The following AKT2 variants were observed in gnomAD, a reference collection of about 807,000 sequenced individuals.
AKT2 encodes the protein RAC-beta serine/threonine-protein kinase.
Under a neutral mutation model 58.6 loss-of-function variants are expected in AKT2, and 16 were observed. That is an observed-to-expected ratio of 0.27 (90% CI 0.18 to 0.41). The LOEUF is 0.41. AKT2 is among the 10% of genes least tolerant of loss of function. The pLI is 1.00. For synonymous variants in AKT2, 253 were observed against 254.0 expected (o/e 1.00, Z 0.04); for missense variants, 438 against 661.0 (o/e 0.66, Z 3.70).
intron 1 of AKT2, chr19:40,268,485 C>T (rs184152900): frequency 6.6e-6 from 1 of 152,438 alleles, no homozygotes; most frequent in East Asian, 1.9e-4. Flanking sequence ...GGTGCCGGCG[C>T]TCCCATGGAG....
chr19:40,258,280 A>G (rs1282751390), intron 2 of AKT2, among the ~76,000 whole-genome samples: 1 of 149,194 alleles, frequency 6.7e-6, no homozygotes, highest in East Asian at 2.0e-4. Flanking sequence ...AAAAAACCTG[A>G]GTATGGTGAT....
rs527925673 is a variant in AKT2 at position 40,234,028 on chromosome 19, C to T, written c.1367-77G>A. ...CACCTGCCCAGACTCCCTGGGGAAA[C>T]GGCCCCAGCTGGCGGGGGCTGCCCA... On this transcript the variant is annotated intron_variant, in intron 13 of 13. Coordinates refer to ENST00000392038, the MANE Select transcript of AKT2 (RefSeq NM_001626.6). This position sits in a 1 kb window ranked among gnomAD's most constrained non-coding sequence, Gnocchi z 4.7. 38 of 1,476,974 alleles carry T rather than the reference C, an allele frequency of 2.6e-5. No individual in the cohort carries two copies. The highest frequency in any genetic ancestry group is 1.6e-4 in the East Asian group (7 of 42,934). 91.5% of individuals were successfully genotyped at this position (1,476,974 alleles called of 1,614,324 possible).
chr19:40,238,178 G>A lies in AKT2; in HGVS notation c.709-87C>T. On this transcript the variant is annotated intron_variant, in intron 8 of 13. Transcript: ENST00000392038. The surrounding 1 kb of genome is among the most constrained non-coding windows in gnomAD (Gnocchi z 5.1). ...TCCCAGCCCCCTGCCCCAGCGCAGT[G>A]ATGTGGTGACACCTGTATCATGAAC... 2 of 1,513,382 alleles carry A rather than the reference G, an allele frequency of 1.3e-6. No individual in the cohort carries two copies. The highest frequency in any genetic ancestry group is 1.2e-5 in the South Asian group (1 of 82,880). 93.7% of individuals were successfully genotyped at this position (1,513,382 alleles called of 1,614,324 possible). A position where few individuals can be genotyped will look rare whatever the true frequency, so the allele number is the denominator to read the frequency against.
intron 1 of AKT2, among the ~76,000 whole-genome samples, chr19:40,272,360 A>C (rs2077230915): frequency 6.6e-6 from 1 of 152,208 alleles, no homozygotes; most frequent in South Asian, 2.1e-4. Context: ...AATGCAGGGA[A>C]GGGCTCAGCA....
At chr19:40,270,294 G>T (rs1051851441) in intron 1 of AKT2, among the ~76,000 whole-genome samples, 3 of 152,186 alleles carry the variant, frequency 2.0e-5, no homozygotes, top group Non-Finnish European at 4.4e-5. Context: ...CACGACAAAG[G>T]CAGGACTCTT....
chr19:40,253,500 T>C (rs1339741798), intron 4 of AKT2, among the ~76,000 whole-genome samples: 2 of 152,104 alleles, frequency 1.3e-5, no homozygotes, highest in Non-Finnish European at 2.9e-5. Context: ...CACATGGCCC[T>C]TGAGGGTCAA....
At chr19:40,281,259 G>A (rs1182518240) in intron 1 of AKT2, among the ~76,000 whole-genome samples, 1 of 152,238 alleles carries the variant, frequency 6.6e-6, no homozygotes, top group Non-Finnish European at 1.5e-5. Flanking sequence ...AGGAGACTGA[G>A]GCAGGAGGAT....
Position 40,285,173 on chromosome 19 carries a change from G to A in AKT2, c.-85+8C>T, listed in dbSNP as rs1364650803. 2.5e-5 allele frequency: 10 copies of A among 394,030 alleles called. No individual in the cohort carries two copies. The highest frequency in any genetic ancestry group is 6.4e-4 in the Middle Eastern group (1 of 1,562). 24.4% of individuals were successfully genotyped at this position (394,030 alleles called of 1,614,324 possible). On this transcript the variant is annotated splice_region_variant and intron_variant, in intron 1 of 13. Coordinates refer to ENST00000392038, the MANE Select transcript of AKT2 (RefSeq NM_001626.6). ...GGGGCGTTCGGGGACACGCGCTGGC[G>A]CACTCACCTGTCACCGGCAGCCGCC... is the stretch of plus-strand genomic sequence containing the variant.
At chr19:40,264,621 T>C (rs1442851990) in intron 2 of AKT2, among the ~76,000 whole-genome samples, 1 of 151,944 alleles carries the variant, frequency 6.6e-6, no homozygotes, top group Non-Finnish European at 1.5e-5. Flanking sequence ...TTGCTGTCCC[T>C]CTCCCTGGGA....
At chr19:40,243,240 A>G (rs1974523205) in intron 4 of AKT2, 1 of 159,690 alleles carries the variant, frequency 6.3e-6, no homozygotes, top group Non-Finnish European at 1.4e-5. Flanking sequence ...GAAATGATCA[A>G]AAAGGAGTGA....
intron 6 of AKT2, chr19:40,241,605 G>A (rs1240445127): frequency 5.2e-6 from 2 of 382,650 alleles, no homozygotes; most frequent in Non-Finnish European, 9.8e-6. Flanking sequence ...GCCTCCACCT[G>A]GGATACCCTG....
At position 40,232,024 on chromosome 19, in the gene AKT2, C is replaced by A. The variant is rs983428151; in HGVS notation, c.*1848G>T. 1 of 233,634 alleles carries A rather than the reference C, an allele frequency of 4.3e-6. No individual in the cohort carries two copies. Among genetic ancestry groups the A allele is most frequent in the African/African-American group, 2.2e-5 (1 of 45,466 alleles). 14.5% of individuals were successfully genotyped at this position (233,634 alleles called of 1,614,324 possible). A position where few individuals can be genotyped will look rare whatever the true frequency, so the allele number is the denominator to read the frequency against. ...CCTCCTCATTCTGGGCTACCCAGAT[C>A]TTCCAGCCCTGTCCCTCCACCCCAC... On this transcript the variant is annotated 3_prime_UTR_variant, in exon 14 of 14. Transcript: ENST00000392038.
Position 40,237,622 on chromosome 19 carries a change from A to G in AKT2, c.831+347T>C, listed in dbSNP as rs921709106. On this transcript the variant is annotated intron_variant, in intron 9 of 13. Transcript: ENST00000392038. The surrounding 1 kb of genome is among the most constrained non-coding windows in gnomAD (Gnocchi z 4.5). Reference sequence around the variant, plus strand: ...ATCACACCACTGCACTCAACAGAGTAAGACTCCTCAAAAATAAATAAATAA... The same window carrying G: ...ATCACACCACTGCACTCAACAGAGTGAGACTCCTCAAAAATAAATAAATAA... The G allele has an allele frequency of 2.3e-5, 7 of 301,524 alleles. No individual in the cohort carries two copies. The highest frequency in any genetic ancestry group is 1.5e-4 in the African/African-American group (7 of 45,988). The allele number at this position is 301,524 out of a possible 1,614,324, so 18.7% of individuals were successfully genotyped here. A position where few individuals can be genotyped will look rare whatever the true frequency, so the allele number is the denominator to read the frequency against.
chr19:40,276,207 A>G (rs980947661), intron 1 of AKT2, among the ~76,000 whole-genome samples: 11 of 151,878 alleles, frequency 7.2e-5, no homozygotes, highest in East Asian at 1.9e-4. Flanking sequence ...CCGCACCCCA[A>G]CGCAGCTTAC....
rs796180854 is a variant in AKT2 at position 40,258,246 on chromosome 19, A to G, written c.47-1192T>C. Among the ~76,000 whole-genome samples, 371 of 107,950 alleles carry G rather than the reference A, an allele frequency of 3.4e-3. 1 individual carries two copies. The highest frequency in any genetic ancestry group is 0.014 in the African/African-American group (288 of 20,604). 70.8% of individuals were successfully genotyped at this position (107,950 alleles called of 152,430 possible). On this transcript the variant is annotated intron_variant, in intron 2 of 13. Coordinates refer to ENST00000392038, the MANE Select transcript of AKT2 (RefSeq NM_001626.6). ...GCAACAAGAGCGAAACTCCGTCTCG[A>G]AAAAAAAAAAAAAAAAACAAAAAAA... is the stretch of plus-strand genomic sequence containing the variant.
chr19:40,277,420 G>A (rs1044952725), intron 1 of AKT2, among the ~76,000 whole-genome samples: 1 of 152,130 alleles, frequency 6.6e-6, no homozygotes, highest in Non-Finnish European at 1.5e-5. Context: ...GCAGAATATG[G>A]TCTGCTTTCT....
Position 40,233,636 on chromosome 19 carries a change from G to A in AKT2, c.*236C>T. The A allele has an allele frequency of 1.3e-6, 1 of 753,982 alleles. No homozygotes were observed. The highest frequency in any genetic ancestry group is 2.4e-6 in the Non-Finnish European group (1 of 410,926). The allele number at this position is 753,982 out of a possible 1,614,324, so 46.7% of individuals were successfully genotyped here. A position where few individuals can be genotyped will look rare whatever the true frequency, so the allele number is the denominator to read the frequency against. On this transcript the variant is annotated 3_prime_UTR_variant, in exon 14 of 14. Coordinates refer to ENST00000392038, the MANE Select transcript of AKT2 (RefSeq NM_001626.6). This position sits in a 1 kb window ranked among gnomAD's most constrained non-coding sequence, Gnocchi z 4.3. ...CAACCGCCCAACAGCCCAGGCCTGG[G>A]CGGGAGGTGGAGTCTTCCAAATGCG...
At chr19:40,245,876 G>C (rs913340808) in intron 4 of AKT2, among the ~76,000 whole-genome samples, 2 of 152,142 alleles carry the variant, frequency 1.3e-5, no homozygotes, top group Non-Finnish European at 2.9e-5. Context: ...CAAAGTCCAA[G>C]TGGCCCCAGG....
intron 2 of AKT2, among the ~76,000 whole-genome samples, chr19:40,260,507 G>A (rs1435353265): frequency 1.3e-5 from 2 of 151,468 alleles, no homozygotes; most frequent in East Asian, 1.9e-4. Flanking sequence ...GCGCACACCT[G>A]TAGTCCCAGC....
Sources: allele counts gnomAD v4.1 joint callset (sites outside exome capture counted in the v4.1 genomes callset), GRCh38; gene constraint gnomAD v4.1.1; non-coding constraint Gnocchi (gnomAD v3.1); transcripts MANE v1.5; gene names NCBI Gene and HGNC (gene_info 2026-07-23, HGNC 2026-07-21).